Variants in SMYD3 observed in about 807,000 individuals in gnomAD.
SMYD3 encodes the protein SET and MYND domain containing 3.
In SMYD3, 36 loss-of-function variants were observed where a neutral mutation model predicts 57.7. The ratio of observed to expected loss-of-function variants is 0.62; its 90% CI spans 0.48 to 0.82. The LOEUF (loss-of-function observed/expected upper bound fraction) is 0.82. Among genes scored for constraint, SMYD3 ranks in the 40% least tolerant of loss-of-function variants. SMYD3 has a pLI of 0.00. For synonymous variants in SMYD3, 211 were observed against 195.0 expected (o/e 1.08, Z -0.68); for missense variants, 515 against 538.8 (o/e 0.96, Z 0.44).
At chr1:245,789,035 G>GAGT (rs1305009048) in intron 10 of SMYD3, 2 of 152,210 alleles carry the variant, frequency 1.3e-5, no homozygotes, top group Non-Finnish European at 2.9e-5. Context: ...CTCTATCACG[G>GAGT]AGTATCCTTT....
At chr1:246,144,135 A>G (rs745784048) in intron 5 of SMYD3, among the ~76,000 whole-genome samples, 52 of 152,164 alleles carry the variant, frequency 3.4e-4, no homozygotes, top group Non-Finnish European at 3.5e-4. Flanking sequence ...TCGAGCTGAC[A>G]AGAGCTGACG....
chr1:246,040,158 T>C (rs1314091962), intron 5 of SMYD3, among the ~76,000 whole-genome samples: 1 of 152,228 alleles, frequency 6.6e-6, no homozygotes, highest in Non-Finnish European at 1.5e-5. Context: ...ACACGTGGTT[T>C]GCAATTAATA....
At chr1:246,323,075 C>T (rs1206348838) in intron 5 of SMYD3, among the ~76,000 whole-genome samples, 1 of 152,218 alleles carries the variant, frequency 6.6e-6, no homozygotes, top group Non-Finnish European at 1.5e-5. Context: ...ACACCAGCCT[C>T]GCTTTTGAAA....
chr1:246,209,484 A>C (rs1297979505), intron 5 of SMYD3, among the ~76,000 whole-genome samples: 2 of 152,190 alleles, frequency 1.3e-5, no homozygotes, highest in South Asian at 4.1e-4. Flanking sequence ...AGACTGTATA[A>C]GCAAAAATCA....
At chr1:245,754,701 A>G (rs889030905) in intron 11 of SMYD3, among the ~76,000 whole-genome samples, 1 of 152,182 alleles carries the variant, frequency 6.6e-6, no homozygotes, top group Admixed American at 6.5e-5. Context: ...ATTCCGCTGG[A>G]GGAATATGTC....
At chr1:246,397,605 A>T (rs1184847440) in intron 1 of SMYD3, among the ~76,000 whole-genome samples, 6 of 152,208 alleles carry the variant, frequency 3.9e-5, no homozygotes, top group Admixed American at 6.5e-5. Context: ...AGACAGATGT[A>T]GTCACCTGAT....
At chr1:246,240,135 T>G (rs1247127305) in intron 5 of SMYD3, among the ~76,000 whole-genome samples, 6 of 152,202 alleles carry the variant, frequency 3.9e-5, no homozygotes, top group Admixed American at 1.3e-4. Flanking sequence ...TTTCCATTGC[T>G]TTTGCTGTTT....
chr1:246,407,644 C>T (rs564572930), intron 1 of SMYD3, among the ~76,000 whole-genome samples: 1 of 152,112 alleles, frequency 6.6e-6, no homozygotes, highest in Non-Finnish European at 1.5e-5. Context: ...GAGTTCAAGA[C>T]CAGCCTGGCC....
intron 1 of SMYD3, among the ~76,000 whole-genome samples, chr1:246,356,255 C>T (rs928998516): frequency 1.3e-5 from 2 of 152,146 alleles, no homozygotes; most frequent in African/African-American, 4.8e-5. Context: ...GAGAACACCA[C>T]ATCAAGGGAG....
At chr1:246,189,374 A>T (rs1330763704) in intron 5 of SMYD3, among the ~76,000 whole-genome samples, 1 of 152,240 alleles carries the variant, frequency 6.6e-6, no homozygotes, top group Non-Finnish European at 1.5e-5. Context: ...CAAGGGAACA[A>T]CGCAAGTGTC....
chr1:246,179,861 C>T (rs1176728873), intron 5 of SMYD3, among the ~76,000 whole-genome samples: 1 of 152,170 alleles, frequency 6.6e-6, no homozygotes, highest in African/African-American at 2.4e-5. Context: ...TTGGTTTTTG[C>T]TGTTCCTTGT....
chr1:246,100,150 G>A (rs573514694), intron 5 of SMYD3, among the ~76,000 whole-genome samples: 3 of 152,290 alleles, frequency 2.0e-5, no homozygotes, highest in South Asian at 2.1e-4. Flanking sequence ...GTTCAAGGCC[G>A]TGGTGAGCTA....
chr1:246,038,859 C>A (rs548596652), intron 5 of SMYD3, among the ~76,000 whole-genome samples: 3 of 152,184 alleles, frequency 2.0e-5, no homozygotes, highest in Admixed American at 1.3e-4. Context: ...AAACAAATAT[C>A]TTTGTGGAAA....
chr1:246,114,882 G>A (rs1030441508), intron 5 of SMYD3, among the ~76,000 whole-genome samples: 1 of 138,906 alleles, frequency 7.2e-6, no homozygotes, highest in Non-Finnish European at 1.6e-5. Context: ...TGCCCACCTC[G>A]GCCTCCCAAA....
chr1:246,200,650 G>C (rs974696100), intron 5 of SMYD3, among the ~76,000 whole-genome samples: 5 of 152,214 alleles, frequency 3.3e-5, no homozygotes, highest in African/African-American at 1.2e-4. Context: ...CACTGAGCAA[G>C]AATGTACACA....
chr1:246,263,124 G>T (rs2064040837), intron 5 of SMYD3, among the ~76,000 whole-genome samples: 1 of 152,148 alleles, frequency 6.6e-6, no homozygotes, highest in Admixed American at 6.6e-5. Flanking sequence ...TGACCAAAAA[G>T]CAAAAGCTTA....
In SMYD3 at chr1:246,241,150, G is replaced by A. The variant is rs12749919; in HGVS notation, c.531+86051C>T. Among the ~76,000 whole-genome samples the A allele has an allele frequency of 3.8e-3, 583 of 152,194 alleles. 6 individuals are homozygous for A. The highest frequency in any genetic ancestry group is 2.9e-3 in the Non-Finnish European group (194 of 68,016). ...TATGTTGAACAGGAGTGGTGAGAGA[G>A]GGCATCCCTGTCTTGTGCCAGTTTT... is the stretch of plus-strand genomic sequence containing the variant. On this transcript the variant is annotated intron_variant, in intron 5 of 11. Transcript: ENST00000490107.
At chr1:246,173,823 CT>C (rs2062386295) in intron 5 of SMYD3, among the ~76,000 whole-genome samples, 1 of 151,358 alleles carries the variant, frequency 6.6e-6, no homozygotes, top group Admixed American at 6.6e-5. Context: ...CTTTTTTTTT[CT>C]GAGACAGGGT....
chr1:246,446,856 C>T (rs559960021), intron 1 of SMYD3, among the ~76,000 whole-genome samples: 4 of 152,028 alleles, frequency 2.6e-5, no homozygotes, highest in Non-Finnish European at 5.9e-5. Context: ...GATGAAACCC[C>T]GTCTCTACTA....
Sources: gnomAD v4.1 joint callset for allele counts (sites outside exome capture counted in the v4.1 genomes callset) on GRCh38, gnomAD v4.1.1 for gene constraint, MANE v1.5 for transcripts, NCBI Gene and HGNC (gene_info 2026-07-23, HGNC 2026-07-21) for gene names.